LSM3: variants seen among roughly 807,000 people sequenced by gnomAD.
LSM3 encodes U6 snRNA-associated Sm-like protein LSm3.
Under a neutral mutation model 15.4 loss-of-function variants are expected in LSM3, and 14 were observed. The ratio of observed to expected loss-of-function variants is 0.91; its 90% CI spans 0.60 to 1.42. The LOEUF (loss-of-function observed/expected upper bound fraction) is 1.42, where lower values mean the gene tolerates loss of function less well. Among genes scored for constraint, LSM3 ranks in the 40% most tolerant of loss-of-function variants. The pLI is 0.00. For missense variants in LSM3, 88 were observed against 127.9 expected (o/e 0.69, Z 1.50); for synonymous variants, 46 against 45.1 (o/e 1.02, Z -0.08).
In LSM3 at chr3:14,198,651, G is replaced by A. The variant is rs1459844889; in HGVS notation, c.*535G>A. The A allele has an allele frequency of 6.5e-6, 1 of 153,342 alleles. No homozygotes were observed. The highest frequency in any genetic ancestry group is 2.4e-5 in the African/African-American group (1 of 41,418). 9.5% of individuals were successfully genotyped at this position (153,342 alleles called of 1,614,324 possible). A position where few individuals can be genotyped will look rare whatever the true frequency, so the allele number is the denominator to read the frequency against. ...AGGTGGGTGGATCACCTGAGGTCAG[G>A]CGTTTGAGACCAGCCTGGCCAACAT... On this transcript the variant is annotated 3_prime_UTR_variant, in exon 4 of 4. Coordinates refer to ENST00000306024, the MANE Select transcript of LSM3 (RefSeq NM_014463.3).
Position 14,184,026 on chromosome 3 carries a change from A to G in LSM3, c.222A>G (p.Ile74Met). The G allele has an allele frequency of 6.2e-7, 1 of 1,605,256 alleles. No homozygotes were observed. Among genetic ancestry groups the G allele is most frequent in the Non-Finnish European group, 8.5e-7 (1 of 1,177,568 alleles). The stretch of plus-strand genomic sequence containing the variant: ...TTGATGAAGAAACATATGAAGAGAT[A>G]TATAAAGTAAGTCATGCAATTCTAT... ...IEIDEETYEE[I>M]YKSTKRNIPM... Residue 74 changes from isoleucine to methionine, a missense_variant, in exon 3 of 4, where the codon ATA becomes ATG. Transcript: ENST00000306024.
rs56942157 is a variant in LSM3 at position 14,196,053 on chromosome 3, C to T, written c.229-1983C>T. On this transcript the variant is annotated intron_variant, in intron 3 of 3. Coordinates refer to ENST00000306024, the MANE Select transcript of LSM3 (RefSeq NM_014463.3). ...CTGCAAGCTCCGCCTCCCAGGTTCA[C>T]GCCATTCTCCTGCCTCAGCCTCCCA... Among the ~76,000 whole-genome samples, 1,421 of 151,322 alleles carry T rather than the reference C, an allele frequency of 9.4e-3. 23 individuals carry two copies. Among genetic ancestry groups the T allele is most frequent in the African/African-American group, 0.032 (1,328 of 41,236 alleles).
chr3:14,193,300 T>C (rs1013898978), intron 3 of LSM3, among the ~76,000 whole-genome samples: 1 of 152,188 alleles, frequency 6.6e-6, no homozygotes, highest in African/African-American at 2.4e-5. Context: ...GTTCTCTGTA[T>C]TTCCTGAATT....
At chr3:14,184,482 C>G (rs1315820392) in intron 3 of LSM3, among the ~76,000 whole-genome samples, 1 of 151,902 alleles carries the variant, frequency 6.6e-6, no homozygotes. Context: ...GGGCCGGGCG[C>G]GGTGGCTCAC....
At chr3:14,182,853 G>A (rs958187922) in intron 2 of LSM3, among the ~76,000 whole-genome samples, 3 of 152,178 alleles carry the variant, frequency 2.0e-5, no homozygotes, top group Non-Finnish European at 2.9e-5. Context: ...GCCAGAATTT[G>A]AATCTAGGTT....
chr3:14,187,155 C>G (rs181214549), intron 3 of LSM3, among the ~76,000 whole-genome samples: 9 of 152,330 alleles, frequency 5.9e-5, no homozygotes, highest in Non-Finnish European at 7.4e-5. Context: ...GTAGTCTGCT[C>G]CAAGTGCGGT....
chr3:14,181,702 A>G (rs1259766789), intron 2 of LSM3, 32 bp downstream of exon 2: 2 of 1,454,482 alleles, frequency 1.4e-6, no homozygotes, highest in Non-Finnish European at 1.9e-6. Flanking sequence ...CCTTGAAATC[A>G]GATTCCTTCC....
At chr3:14,188,809 CT>C (rs945898009) in intron 3 of LSM3, among the ~76,000 whole-genome samples, 29 of 151,230 alleles carry the variant, frequency 1.9e-4, no homozygotes, top group African/African-American at 6.1e-4. Context: ...TTATCTTTAT[CT>C]TTTTTTTTAA....
At chr3:14,183,885 AT>A in intron 2 of LSM3, 51 bp from the exon 3 acceptor site, 1 of 1,390,968 alleles carries the variant, frequency 7.2e-7, no homozygotes, top group Non-Finnish European at 9.9e-7. Flanking sequence ...AGCCTTTATC[AT>A]TTTTGTAATT....
At chr3:14,182,658 T>A (rs928002000) in intron 2 of LSM3, among the ~76,000 whole-genome samples, 1 of 152,256 alleles carries the variant, frequency 6.6e-6, no homozygotes, top group Non-Finnish European at 1.5e-5. Context: ...CCTAAAGTGA[T>A]TAAAAATAGC....
intron 3 of LSM3, among the ~76,000 whole-genome samples, chr3:14,189,835 C>A (rs1477255489): frequency 1.3e-5 from 2 of 152,102 alleles, no homozygotes; most frequent in Admixed American, 1.3e-4. Context: ...GCTTTTGTTG[C>A]CATTGCTTTT....
chr3:14,197,112 C>G (rs1697193688), intron 3 of LSM3, among the ~76,000 whole-genome samples: 1 of 152,242 alleles, frequency 6.6e-6, no homozygotes, highest in South Asian at 2.1e-4. Context: ...CCTTGTTTCT[C>G]AAAGCCTTTT....
chr3:14,183,368 A>C (rs1697057962), intron 2 of LSM3, among the ~76,000 whole-genome samples: 1 of 152,222 alleles, frequency 6.6e-6, no homozygotes, highest in Non-Finnish European at 1.5e-5. Context: ...TTATTGATTG[A>C]GCCCACAGGT....
At chr3:14,186,678 G>A (rs1386705125) in intron 3 of LSM3, among the ~76,000 whole-genome samples, 1 of 151,808 alleles carries the variant, frequency 6.6e-6, no homozygotes, top group Non-Finnish European at 1.5e-5. Context: ...TTTAAAATCT[G>A]CATTTTTTCC....
At chr3:14,188,870 A>T (rs1215717362) in intron 3 of LSM3, among the ~76,000 whole-genome samples, 1 of 152,084 alleles carries the variant, frequency 6.6e-6, no homozygotes, top group Non-Finnish European at 1.5e-5. Context: ...GTTTTGTTAC[A>T]AAGGTATACA....
intron 3 of LSM3, among the ~76,000 whole-genome samples, chr3:14,186,604 A>G (rs894365009): frequency 6.6e-6 from 1 of 151,924 alleles, no homozygotes; most frequent in Admixed American, 6.6e-5. Context: ...TTCTTTTTTT[A>G]AAATTTTTAC....
At chr3:14,181,203 T>C (rs1472266913) in intron 1 of LSM3, among the ~76,000 whole-genome samples, 1 of 152,200 alleles carries the variant, frequency 6.6e-6, no homozygotes, top group Non-Finnish European at 1.5e-5. Context: ...TACATAATAT[T>C]TGAGATAAAG....
Position 14,181,550 on chromosome 3 carries a change from C to G in LSM3, c.22-10C>G. The stretch of plus-strand genomic sequence containing the variant: ...TAGTACTACATTACTAATCCTGTTT[C>G]TTTTATCAGCAACAAACTACCAACA... On this transcript the variant is annotated splice_polypyrimidine_tract_variant and intron_variant, in intron 1 of 3. Transcript: ENST00000306024. 6.3e-7 allele frequency: 1 copy of G among 1,577,172 alleles called. No individual in the cohort carries two copies. The highest frequency in any genetic ancestry group is 8.7e-7 in the Non-Finnish European group (1 of 1,146,544).
At chr3:14,189,374 C>T (rs1309393614) in intron 3 of LSM3, among the ~76,000 whole-genome samples, 3 of 152,176 alleles carry the variant, frequency 2.0e-5, no homozygotes, top group Non-Finnish European at 4.4e-5. Flanking sequence ...TGAGGAATCA[C>T]CACACTGTCT....
Sources: gnomAD v4.1 joint callset for allele counts (sites outside exome capture counted in the v4.1 genomes callset) on GRCh38, gnomAD v4.1.1 for gene constraint, MANE v1.5 for transcripts, NCBI Gene and HGNC (gene_info 2026-07-23, HGNC 2026-07-21) for gene names.